The following SLCO3A1 variants were observed in gnomAD, a reference collection of about 807,000 sequenced individuals.
SLCO3A1 encodes solute carrier organic anion transporter family member 3A1, also known as PGE1 transporter.
In SLCO3A1, 27 loss-of-function variants were observed where a neutral mutation model predicts 63.1. The observed-to-expected ratio is 0.43, with a 90% CI of 0.32 to 0.59. The LOEUF is 0.59. SLCO3A1 is among the 20% of genes least tolerant of loss of function. The pLI is 0.09. For synonymous variants in SLCO3A1, 473 were observed against 409.9 expected, an observed-to-expected ratio of 1.15 and a Z score of -1.86; for missense variants, 773 against 945.8, an observed-to-expected ratio of 0.82 and a Z score of 2.40.
chr15:92,045,739 G>A (rs1269668227), intron 2 of SLCO3A1, among the ~76,000 whole-genome samples: 1 of 152,136 alleles, frequency 6.6e-6, no homozygotes, highest in Non-Finnish European at 1.5e-5. Flanking sequence ...GCAGAGGCAA[G>A]GTGCATTTAT....
At chr15:91,970,972 T>C (rs1387588181) in intron 2 of SLCO3A1, among the ~76,000 whole-genome samples, 1 of 152,130 alleles carries the variant, frequency 6.6e-6, no homozygotes, top group African/African-American at 2.4e-5. Context: ...GTTTCTGTAT[T>C]TGGGAATTTG....
chr15:92,094,881 G>A lies in SLCO3A1; in HGVS notation c.647G>A (p.Gly216Glu). The change falls in exon 3 of 10, where the codon GGA (glycine) becomes GAA (glutamate). Residue 216 changes from glycine (G) to glutamate (E), a missense_variant and splice_region_variant. Gly to Glu is a moderately conservative substitution (Grantham distance 98). This residue lies in a region of SLCO3A1 where 565 missense variants were observed against 749.8 expected (regional missense o/e 0.75). Coordinates refer to ENST00000318445, the MANE Select transcript of SLCO3A1 (RefSeq NM_013272.4). ...VRRKDSSLYI[G>E]ILFTMLVFGP... ...TATTTTTTTCTTCATCTTCCTTCAGGAATCCTGTTCACGATGCTGGTATTT... is the reference window on the plus strand; with the variant it reads ...TATTTTTTTCTTCATCTTCCTTCAGAAATCCTGTTCACGATGCTGGTATTT... 6.2e-7 allele frequency: 1 copy of A among 1,609,018 alleles called. No homozygotes were observed. Among genetic ancestry groups the A allele is most frequent in the Non-Finnish European group, 8.5e-7 (1 of 1,175,876 alleles).
Position 92,147,148 on chromosome 15 carries a change from C to T in SLCO3A1, c.1677C>T (p.Ile559=), listed in dbSNP as rs373470993. 2.2e-5 allele frequency: 35 copies of T among 1,611,744 alleles called. No individual in the cohort carries two copies. The highest frequency in any genetic ancestry group is 2.9e-5 in the Non-Finnish European group (34 of 1,179,266). The change falls in exon 8 of 10, where the codon ATC becomes ATT. Residue 559 remains isoleucine (I), a synonymous_variant. Transcript: ENST00000318445. ...CCATGGCACAGACACCCTCAGTCAT[C>T]ATCCTCATCAGGTAAGCCCTCGGCA... The part of the protein sequence containing the change: ...IGAMAQTPSV[I]ILIRTVSPEL...
rs115436434 is a variant in SLCO3A1, at chr15:91,863,221, G to A, written c.180+9133G>A. On this transcript the variant is annotated intron_variant, in intron 1 of 9. Coordinates refer to ENST00000318445, the MANE Select transcript of SLCO3A1 (RefSeq NM_013272.4). The surrounding 1 kb of genome is among the most constrained non-coding windows in gnomAD (Gnocchi z 4.3). ...TTGTTGGCTTTTGGGTCAGAGAATT[G>A]TTTAAAGTAGATCCACAGAGCCACC... 2.4e-3 allele frequency among the ~76,000 whole-genome samples: 367 copies of A among 152,338 alleles called. 1 individual carries two copies. The highest frequency in any genetic ancestry group is 0.01 in the Middle Eastern group (3 of 294).
Position 92,107,998 on chromosome 15 carries a change from T to C in SLCO3A1, c.1009+3456T>C, listed in dbSNP as rs8038048. 6.9e-3 allele frequency among the ~76,000 whole-genome samples: 1,047 copies of C among 152,326 alleles called. 10 individuals carry two copies. Among genetic ancestry groups the C allele is most frequent in the African/African-American group, 0.024 (1,014 of 41,580 alleles). On this transcript the variant is annotated intron_variant, in intron 4 of 9. Transcript: ENST00000318445. ...AGATGAGAAAACCAAGCTGGTGATATGGGGATTTGAGTCTGTGGTTCGATT... is the reference window on the plus strand; with the variant it reads ...AGATGAGAAAACCAAGCTGGTGATACGGGGATTTGAGTCTGTGGTTCGATT...
intron 2 of SLCO3A1, among the ~76,000 whole-genome samples, chr15:92,063,530 C>T (rs1220647583): frequency 2.0e-5 from 3 of 152,160 alleles, no homozygotes; most frequent in Non-Finnish European, 4.4e-5. Context: ...TTAAACTCCA[C>T]CTGCAGTTGG....
intron 2 of SLCO3A1, among the ~76,000 whole-genome samples, chr15:91,995,780 GAA>G (rs1355292115): frequency 7.8e-6 from 1 of 128,278 alleles, no homozygotes; most frequent in Non-Finnish European, 1.7e-5. Context: ...ACACAAGATG[GAA>G]AAAAAAAAGT....
chr15:91,995,395 A>G (rs2046178805), intron 2 of SLCO3A1, among the ~76,000 whole-genome samples: 1 of 152,246 alleles, frequency 6.6e-6, no homozygotes, highest in African/African-American at 2.4e-5. Context: ...GGTACCATGC[A>G]TCAGTATCAT....
chr15:92,009,994 TC>T (rs774106171), intron 2 of SLCO3A1, among the ~76,000 whole-genome samples: 7 of 152,178 alleles, frequency 4.6e-5, no homozygotes, highest in Non-Finnish European at 8.8e-5. Flanking sequence ...CCCCCAGACT[TC>T]ATTGTGTAGC....
In SLCO3A1 at chr15:91,968,210, C is replaced by T. The variant is rs1041246815; in HGVS notation, c.646+51752C>T. On this transcript the variant is annotated intron_variant, in intron 2 of 9. Transcript: ENST00000318445. The surrounding 1 kb of genome is among the most constrained non-coding windows in gnomAD (Gnocchi z 4.2). ...TGTGCCCTGAGTTTCAGTGCCGGAT[C>T]AGAGACTGGAAAAGTCTGTATGCCC... is the stretch of plus-strand genomic sequence containing the variant. Among the ~76,000 whole-genome samples, 2 of 152,108 alleles carry T rather than the reference C, an allele frequency of 1.3e-5. No individual in the cohort carries two copies. The highest frequency in any genetic ancestry group is 4.8e-5 in the African/African-American group (2 of 41,430).
intron 2 of SLCO3A1, among the ~76,000 whole-genome samples, chr15:92,003,457 C>G (rs182647338): frequency 1.3e-5 from 2 of 152,194 alleles, no homozygotes; most frequent in Non-Finnish European, 2.9e-5. Context: ...ATGCATTGGC[C>G]TCAGCATCTA....
At chr15:92,030,260 G>A (rs1208000146) in intron 2 of SLCO3A1, among the ~76,000 whole-genome samples, 1 of 152,184 alleles carries the variant, frequency 6.6e-6, no homozygotes, top group Non-Finnish European at 1.5e-5. Flanking sequence ...ATGGCCTTGA[G>A]ATTATGAATT....
chr15:92,061,431 A>G (rs2047085324), intron 2 of SLCO3A1, among the ~76,000 whole-genome samples: 1 of 152,218 alleles, frequency 6.6e-6, no homozygotes, highest in African/African-American at 2.4e-5. Context: ...TCCACTCCCC[A>G]CTGGCATTTG....
chr15:92,166,023 AC>A, downstream of SLCO3A1: 1 of 411,538 alleles, frequency 2.4e-6, no homozygotes, highest in Non-Finnish European at 3.3e-6. Context: ...CTACGTAGAG[AC>A]AAAGAAGGTT....
chr15:92,127,690 C>G (rs1268452779), intron 6 of SLCO3A1, among the ~76,000 whole-genome samples: 1 of 152,056 alleles, frequency 6.6e-6, no homozygotes, highest in Non-Finnish European at 1.5e-5. Context: ...TTTCAGTTTG[C>G]TTGCTCTAGA....
At chr15:92,016,290 G>GAT (rs141082885) in intron 2 of SLCO3A1, among the ~76,000 whole-genome samples, 1 of 99,858 alleles carries the variant, frequency 1.0e-5, no homozygotes, top group Non-Finnish European at 2.3e-5. Context: ...AGATGTTATA[G>GAT]ATATATATAT....
At chr15:91,989,698 A>G (rs992999772) in intron 2 of SLCO3A1, among the ~76,000 whole-genome samples, 1 of 152,230 alleles carries the variant, frequency 6.6e-6, no homozygotes, top group Non-Finnish European at 1.5e-5. Flanking sequence ...ATTTCGTGGA[A>G]GAACCAAAGT....
chr15:92,120,341 C>CA, intron 4 of SLCO3A1, 124 bp from the exon 5 acceptor site: 4 of 945,110 alleles, frequency 4.2e-6, no homozygotes, highest in Admixed American at 2.5e-5. Flanking sequence ...CTGGGTACCT[C>CA]TGGATGCTGT....
intron 2 of SLCO3A1, among the ~76,000 whole-genome samples, chr15:92,017,047 G>A (rs1186434898): frequency 1.3e-5 from 2 of 152,130 alleles, no homozygotes; most frequent in East Asian, 3.9e-4. Context: ...ATGGGCTGAA[G>A]AAGGAGAGTG....
Sources: gnomAD v4.1 joint callset for allele counts (sites outside exome capture counted in the v4.1 genomes callset) on GRCh38, gnomAD v4.1.1 for gene constraint, gnomAD v4.1.1 regional missense constraint, Gnocchi (gnomAD v3.1) non-coding constraint, MANE v1.5 for transcripts, NCBI Gene and HGNC (gene_info 2026-07-23, HGNC 2026-07-21) for gene names.